RAB34: variants seen among roughly 807,000 people sequenced by gnomAD.
The protein encoded by RAB34 is RAB34, member RAS oncogene family, also known as ras-related protein Rab-34.
Under a neutral mutation model 39.0 loss-of-function variants are expected in RAB34, and 33 were observed. That is an observed-to-expected ratio of 0.85 (90% CI 0.64 to 1.13). The LOEUF (loss-of-function observed/expected upper bound fraction) is 1.13, where lower values mean the gene tolerates loss of function less well. RAB34 is among the 50% of genes most tolerant of loss of function. The probability of loss-of-function intolerance (pLI) is 0.00; values close to 1 mark genes in which losing one functional copy is unlikely to be tolerated. For missense variants in RAB34, 289 were observed against 326.1 expected (o/e 0.89, Z 0.88); for synonymous variants, 135 against 125.1 (o/e 1.08, Z -0.53).
upstream of RAB34, chr17:28,718,388 A>G: frequency 1.3e-6 from 1 of 773,914 alleles, no homozygotes; most frequent in Non-Finnish European, 2.0e-6. Flanking sequence ...GAGACGTCTG[A>G]AGTCTGGCGT....
chr17:28,716,424 C>T (rs560042995), intron 2 of RAB34: 9 of 282,492 alleles, frequency 3.2e-5, no homozygotes, highest in Admixed American at 1.9e-4. Context: ...CCCTCCCCCC[C>T]GCATTTTAAT....
rs1182889611 is a variant in RAB34, at chr17:28,714,350, A to G, written c.*293T>C. ...AGGCTGGAATCATTAAGCATCCTCAAACACAAAGGGCCCAGCAGGCTGAGC... is the reference window on the plus strand; with the variant it reads ...AGGCTGGAATCATTAAGCATCCTCAGACACAAAGGGCCCAGCAGGCTGAGC... On this transcript the variant is annotated 3_prime_UTR_variant, in exon 10 of 10. Coordinates refer to ENST00000395245, the MANE Select transcript of RAB34 (RefSeq NM_031934.6). The G allele has an allele frequency of 5.0e-6, 3 of 599,400 alleles. No individual in the cohort carries two copies. In the East Asian group the frequency reaches 8.3e-5, roughly 17 times the overall value. 37.1% of individuals were successfully genotyped at this position (599,400 alleles called of 1,614,324 possible).
intron 2 of RAB34, chr17:28,716,609 T>TG (rs376233626): frequency 1.5e-5 from 5 of 340,708 alleles, no homozygotes; most frequent in African/African-American, 1.1e-4. Flanking sequence ...ACCCCTGCCC[T>TG]GGGGCTCCAT....
At chr17:28,717,182 G>T (rs761930317) in intron 1 of RAB34, 31 bp downstream of exon 1, 22 of 1,584,712 alleles carry the variant, frequency 1.4e-5, no homozygotes, top group Non-Finnish European at 1.5e-5. Flanking sequence ...CCGGGCTGTA[G>T]ACTGAAGCCC....
At chr17:28,715,615 C>T (rs781108881) in intron 5 of RAB34, 26 bp downstream of exon 5, 1 of 1,614,122 alleles carries the variant, frequency 6.2e-7, no homozygotes, top group Admixed American at 1.7e-5. Flanking sequence ...TGAGACCCAC[C>T]TACCCCACTT....
chr17:28,715,205 T>G lies in RAB34; in HGVS notation c.503A>C (p.Lys168Thr), dbSNP rs1173794406. Residue 168 changes from lysine to threonine, a missense_variant, in exon 7 of 10, where the codon AAG becomes ACG. Coordinates refer to ENST00000395245, the MANE Select transcript of RAB34 (RefSeq NM_031934.6). ...CACTGGCACACTCACACTCAGATCC[T>G]TCTTGGAACCTACAAGGAAGAGAAG... is the stretch of plus-strand genomic sequence containing the variant. Reference protein sequence around the residue: ...SVLLFLVGSKKDLSTPAQYAL... With the variant: ...SVLLFLVGSKTDLSTPAQYAL... 1 of 1,614,000 alleles carries G rather than the reference T, an allele frequency of 6.2e-7. No homozygotes were observed. Among genetic ancestry groups the G allele is most frequent in the Non-Finnish European group, 8.5e-7 (1 of 1,180,026 alleles).
At position 28,716,977 on chromosome 17, in the gene RAB34, G is replaced by A. The variant is rs1477051432; in HGVS notation, c.72C>T (p.Ala24=). Residue 24 remains alanine (A), a synonymous_variant, in exon 2 of 10, where the codon GCC becomes GCT. Transcript: ENST00000395245. Reference sequence around the variant, plus strand: ...GGAAGTCTTTGTGCCCGTGCAAAGCGGCCTCCTTCCTCAGGCACTTAGTGG... The same window carrying A: ...GGAAGTCTTTGTGCCCGTGCAAAGCAGCCTCCTTCCTCAGGCACTTAGTGG... ...AELPQCLRKE[A]ALHGHKDFHP... is the part of the protein sequence containing the mutation. 4.3e-6 allele frequency: 7 copies of A among 1,613,504 alleles called. No individual in the cohort carries two copies. Among genetic ancestry groups the A allele is most frequent in the East Asian group, 2.2e-5 (1 of 44,896 alleles).
Position 28,715,656 on chromosome 17 carries a change from A to G in RAB34, c.364T>C (p.Tyr122His), listed in dbSNP as rs1188671420. The stretch of plus-strand genomic sequence containing the variant: ...AGCCCCTTACCTTGAGCTCCTCTAT[A>G]GTAGGTTGATGCAATGCATTTGAAC... Reference protein sequence around the residue: ...ERFKCIASTYYRGAQAIIIVF... With the variant: ...ERFKCIASTYHRGAQAIIIVF... Residue 122 changes from tyrosine (Y) to histidine (H), a missense_variant, in exon 5 of 10, where the codon TAT (tyrosine) becomes CAT (histidine). Coordinates refer to ENST00000395245, the MANE Select transcript of RAB34 (RefSeq NM_031934.6). The G allele has an allele frequency of 1.9e-6, 3 of 1,614,116 alleles. No homozygotes were observed. Among genetic ancestry groups the G allele is most frequent in the South Asian group, 2.2e-5 (2 of 91,086 alleles).
rs541927369 is a variant in RAB34 at position 28,717,633 on chromosome 17, G to C, written c.-367C>G. ...GGCCGGATAGTTCCTACGATTACGCGGGGCCGGATGGTTCCTACAATAACC... is the reference window on the plus strand; with the variant it reads ...GGCCGGATAGTTCCTACGATTACGCCGGGCCGGATGGTTCCTACAATAACC... On this transcript the variant is annotated 5_prime_UTR_variant, in exon 1 of 10. Coordinates refer to ENST00000395245, the MANE Select transcript of RAB34 (RefSeq NM_031934.6). The C allele has an allele frequency of 7.3e-7, 1 of 1,377,624 alleles. No individual in the cohort carries two copies. Among genetic ancestry groups the C allele is most frequent in the East Asian group, 2.9e-5 (1 of 34,268 alleles). The allele number at this position is 1,377,624 out of a possible 1,614,324, so 85.3% of individuals were successfully genotyped here.
At position 28,717,604 on chromosome 17, in the gene RAB34, G is replaced by C. The variant is rs893650749; in HGVS notation, c.-338C>G. 4 of 1,401,054 alleles carry C rather than the reference G, an allele frequency of 2.9e-6. No homozygotes were observed. Among genetic ancestry groups the C allele is most frequent in the Non-Finnish European group, 3.7e-6 (4 of 1,082,376 alleles). 86.8% of individuals were successfully genotyped at this position (1,401,054 alleles called of 1,614,324 possible). On this transcript the variant is annotated 5_prime_UTR_variant, in exon 1 of 10. Coordinates refer to ENST00000395245, the MANE Select transcript of RAB34 (RefSeq NM_031934.6). ...GGGCCCGCGCAGACCCTACGATTAC[G>C]CGGGGCCGGATAGTTCCTACGATTA...
At position 28,717,378 on chromosome 17, in the gene RAB34, C is replaced by G; in HGVS notation, c.-112G>C. ...ACCCGCGGCCGGGGTGTCCCGACTA[C>G]AACTCGGGGCCACGGGGACCCTACG... On this transcript the variant is annotated 5_prime_UTR_variant, in exon 1 of 10. Transcript: ENST00000395245. The G allele has an allele frequency of 1.3e-6, 2 of 1,526,262 alleles. No homozygotes were observed. The highest frequency in any genetic ancestry group is 1.8e-6 in the Non-Finnish European group (2 of 1,140,008). 94.5% of individuals were successfully genotyped at this position (1,526,262 alleles called of 1,614,324 possible).
chr17:28,718,238 C>T (rs1489865736), upstream of RAB34: 1 of 1,575,426 alleles, frequency 6.3e-7, no homozygotes, highest in Admixed American at 1.9e-5. Flanking sequence ...GCGCTTCCCT[C>T]CTCAACTCCA....
At position 28,715,486 on chromosome 17, in the gene RAB34, A is replaced by G; in HGVS notation, c.401T>C (p.Leu134Pro). 2 of 1,614,046 alleles carry G rather than the reference A, an allele frequency of 1.2e-6. No homozygotes were observed. Among genetic ancestry groups the G allele is most frequent in the Non-Finnish European group, 1.7e-6 (2 of 1,180,024 alleles). The change falls in exon 6 of 10, where the codon CTG becomes CCG. Residue 134 changes from leucine (L) to proline (P), a missense_variant. Transcript: ENST00000395245. ...ATGTTCCAGAGATGCCACATCATTC[A>G]GGTTGAAGACAATGATGATGGCTGG... is the stretch of plus-strand genomic sequence containing the variant. ...GAQAIIIVFNLNDVASLEHTK... is the reference protein window; with the variant it reads ...GAQAIIIVFNPNDVASLEHTK...
In RAB34 at chr17:28,715,223, A is replaced by C; in HGVS notation, c.485T>G (p.Phe162Cys). The change falls in exon 7 of 10, where the codon TTC becomes TGC. Residue 162 changes from phenylalanine to cysteine, a missense_variant. Coordinates refer to ENST00000395245, the MANE Select transcript of RAB34 (RefSeq NM_031934.6). ...KENDPSSVLL[F>C]LVGSKKDLST... ...CAGATCCTTCTTGGAACCTACAAGGAAGAGAAGCACACTGGAAGGGTCATT... is the reference window on the plus strand; with the variant it reads ...CAGATCCTTCTTGGAACCTACAAGGCAGAGAAGCACACTGGAAGGGTCATT... The C allele has an allele frequency of 6.2e-7, 1 of 1,614,052 alleles. No homozygotes were observed. The highest frequency in any genetic ancestry group is 8.5e-7 in the Non-Finnish European group (1 of 1,180,024).
upstream of RAB34, chr17:28,718,173 T>A: frequency 6.2e-7 from 1 of 1,609,218 alleles, no homozygotes; most frequent in Non-Finnish European, 8.5e-7. Flanking sequence ...CATCTGGCGA[T>A]GCCAGGAACC....
At position 28,714,667 on chromosome 17, in the gene RAB34, C is replaced by T; in HGVS notation, c.756G>A (p.Lys252=). 6.2e-7 allele frequency: 1 copy of T among 1,614,176 alleles called. No individual in the cohort carries two copies. Among genetic ancestry groups the T allele is most frequent in the Non-Finnish European group, 8.5e-7 (1 of 1,180,026 alleles). The part of the protein sequence containing the change: ...DDSNLYLTAS[K]KKPTCCP Reference sequence around the variant, plus strand: ...CTCATGGGCAACATGTGGGCTTCTTCTTGCTGGCAGTTAGGTAGAGGTTGC... The same window carrying T: ...CTCATGGGCAACATGTGGGCTTCTTTTTGCTGGCAGTTAGGTAGAGGTTGC... The change falls in exon 10 of 10, where the codon AAG becomes AAA. Residue 252 remains lysine (K), a synonymous_variant. Coordinates refer to ENST00000395245, the MANE Select transcript of RAB34 (RefSeq NM_031934.6).
At position 28,717,712 on chromosome 17, in the gene RAB34, AGAGCGGCCCGGGGGCGCG is replaced by A. The variant is rs1224294566; in HGVS notation, c.-464_-447del. 40 of 1,340,778 alleles carry A rather than the reference AGAGCGGCCCGGGGGCGCG, an allele frequency of 3.0e-5. No homozygotes were observed. Among genetic ancestry groups the A allele is most frequent in the South Asian group, 8.0e-5 (4 of 49,812 alleles). 83.1% of individuals were successfully genotyped at this position (1,340,778 alleles called of 1,614,324 possible). A position where few individuals can be genotyped will look rare whatever the true frequency, so the allele number is the denominator to read the frequency against. On this transcript the variant is annotated 5_prime_UTR_variant, in exon 1 of 10. Transcript: ENST00000395245. ...GGGGCTGAGGCTGCCCTACCATTAC[AGAGCGGCCCGGGGGCGCG>A]GAGCGGCCCCGCCACACGGGGTCAG...
In RAB34 at chr17:28,715,710, A is replaced by G. The variant is rs202218620; in HGVS notation, c.315-5T>C. On this transcript the variant is annotated splice_region_variant and splice_polypyrimidine_tract_variant and intron_variant, in intron 4 of 9. Coordinates refer to ENST00000395245, the MANE Select transcript of RAB34 (RefSeq NM_031934.6). The stretch of plus-strand genomic sequence containing the variant: ...TCCTGCCCAGCGGTATCCCAACTGG[A>G]AGGAAGGAAGAGTGAAGCACAGGTA... 2.7e-4 allele frequency: 441 copies of G among 1,613,750 alleles called. No individual in the cohort carries two copies. The highest frequency in any genetic ancestry group is 4.3e-4 in the Admixed American group (26 of 59,988).
Position 28,717,368 on chromosome 17 carries a change from G to C in RAB34, c.-102C>G, listed in dbSNP as rs2033684181. Reference sequence around the variant, plus strand: ...CCCGACGATCACCCGCGGCCGGGGTGTCCCGACTACAACTCGGGGCCACGG... The same window carrying C: ...CCCGACGATCACCCGCGGCCGGGGTCTCCCGACTACAACTCGGGGCCACGG... On this transcript the variant is annotated 5_prime_UTR_variant, in exon 1 of 10. Transcript: ENST00000395245. 6.5e-7 allele frequency: 1 copy of C among 1,528,828 alleles called. No homozygotes were observed. The highest frequency in any genetic ancestry group is 8.8e-7 in the Non-Finnish European group (1 of 1,141,664). 94.7% of individuals were successfully genotyped at this position (1,528,828 alleles called of 1,614,324 possible).
Sources: allele counts gnomAD v4.1 joint callset, GRCh38; gene constraint gnomAD v4.1.1; transcripts MANE v1.5; gene names NCBI Gene and HGNC (gene_info 2026-07-23, HGNC 2026-07-21).